The following WFDC9 variants were observed in gnomAD, a reference collection of about 807,000 sequenced individuals.
The protein encoded by WFDC9 is protein WFDC9.
A neutral mutation model predicts 9.5 loss-of-function variants in WFDC9; 9 were observed. The ratio of observed to expected loss-of-function variants is 0.95; its 90% CI spans 0.57 to 1.65. WFDC9 has a LOEUF of 1.65. WFDC9 is among the 40% of genes most tolerant of loss of function. The probability of loss-of-function intolerance (pLI) is 0.00; values close to 1 mark genes in which losing one functional copy is unlikely to be tolerated. For missense variants in WFDC9, 87 were observed against 106.7 expected, an observed-to-expected ratio of 0.82 and a Z score of 0.81; for synonymous variants, 33 against 32.3, an observed-to-expected ratio of 1.02 and a Z score of -0.07.
At chr20:45,622,006 A>G (rs556915220) in intron 1 of WFDC9, among the ~76,000 whole-genome samples, 1 of 152,244 alleles carries the variant, frequency 6.6e-6, no homozygotes, top group Non-Finnish European at 1.5e-5. Flanking sequence ...ATACTTTTGT[A>G]TAGTGGTTCT....
At chr20:45,626,296 C>T (rs1982218246) in intron 1 of WFDC9, among the ~76,000 whole-genome samples, 1 of 152,092 alleles carries the variant, frequency 6.6e-6, no homozygotes, top group African/African-American at 2.4e-5. Flanking sequence ...TGGTTCCATA[C>T]ATATTTTAGG....
intron 1 of WFDC9, among the ~76,000 whole-genome samples, chr20:45,620,797 T>C (rs1293510267): frequency 6.6e-6 from 1 of 152,222 alleles, no homozygotes; most frequent in African/African-American, 2.4e-5. Flanking sequence ...GATATTTAAA[T>C]TGTTATATCA....
intron 1 of WFDC9, among the ~76,000 whole-genome samples, chr20:45,621,014 C>A (rs1449174094): frequency 6.6e-6 from 1 of 152,064 alleles, no homozygotes; most frequent in Non-Finnish European, 1.5e-5. Flanking sequence ...CTATCTCTGG[C>A]ATCTTATTTC....
chr20:45,611,642 G>A (rs575299762), intron 2 of WFDC9, among the ~76,000 whole-genome samples: 14 of 152,046 alleles, frequency 9.2e-5, no homozygotes, highest in African/African-American at 1.7e-4. Context: ...ATTTCTTCTC[G>A]TTATAAAAAT....
intron 1 of WFDC9, 36 bp downstream of exon 1, chr20:45,631,167 G>A: frequency 1.1e-6 from 1 of 871,996 alleles, no homozygotes; most frequent in African/African-American, 1.8e-5. Flanking sequence ...CCTTGTCCCT[G>A]TCAAATAAAC....
intron 1 of WFDC9, among the ~76,000 whole-genome samples, chr20:45,620,077 C>A (rs1452621371): frequency 1.3e-5 from 2 of 151,888 alleles, no homozygotes; most frequent in African/African-American, 2.4e-5. Flanking sequence ...GGAAGGCAGG[C>A]ATGTAAGTAT....
At chr20:45,608,545 G>T in intron 4 of WFDC9, 118 bp downstream of exon 4, 2 of 1,283,278 alleles carry the variant, frequency 1.6e-6, no homozygotes, top group Non-Finnish European at 2.1e-6. Context: ...GGAGGACATT[G>T]TCTTTTGCTG....
At chr20:45,617,000 G>A (rs932598424) in intron 1 of WFDC9, among the ~76,000 whole-genome samples, 2 of 152,162 alleles carry the variant, frequency 1.3e-5, no homozygotes, top group African/African-American at 4.8e-5. Context: ...TTGAAGCCAG[G>A]CATTGACTTC....
intron 1 of WFDC9, chr20:45,630,874 A>G: frequency 6.3e-7 from 1 of 1,596,676 alleles, no homozygotes; most frequent in Non-Finnish European, 8.5e-7. Flanking sequence ...TGTCAGAAAC[A>G]CAGCTATCCC....
chr20:45,619,278 C>T (rs1982041201), intron 1 of WFDC9, among the ~76,000 whole-genome samples: 1 of 152,140 alleles, frequency 6.6e-6, no homozygotes, highest in East Asian at 1.9e-4. Flanking sequence ...ATGAGTAGCC[C>T]AGGAGTGCCA....
chr20:45,625,524 A>G (rs1982197565), intron 1 of WFDC9, among the ~76,000 whole-genome samples: 1 of 152,156 alleles, frequency 6.6e-6, no homozygotes, highest in Non-Finnish European at 1.5e-5. Flanking sequence ...TATATTAAAA[A>G]TCTTTTTGTA....
At chr20:45,609,323 C>G (rs1333998622) in intron 3 of WFDC9, among the ~76,000 whole-genome samples, 3 of 151,976 alleles carry the variant, frequency 2.0e-5, no homozygotes, top group Admixed American at 2.0e-4. Context: ...CCTGCCTCAG[C>G]CTCCTGAGTA....
intron 1 of WFDC9, chr20:45,629,877 G>C: frequency 6.2e-7 from 1 of 1,613,986 alleles, no homozygotes; most frequent in Non-Finnish European, 8.5e-7. Flanking sequence ...GGCCCAGGGA[G>C]GATACCGTGA....
intron 1 of WFDC9, chr20:45,629,518 G>C (rs866618371): frequency 2.0e-5 from 5 of 245,106 alleles, no homozygotes; most frequent in African/African-American, 1.1e-4. Flanking sequence ...AAAACATTTT[G>C]TAATTAGAAA....
At position 45,607,948 on chromosome 20, in the gene WFDC9, T is replaced by A; in HGVS notation, c.*162A>T. 2.5e-6 allele frequency: 2 copies of A among 793,282 alleles called. No homozygotes were observed. The highest frequency in any genetic ancestry group is 4.3e-6 in the Non-Finnish European group (2 of 466,598). The allele number at this position is 793,282 out of a possible 1,614,324, so 49.1% of individuals were successfully genotyped here. A position where few individuals can be genotyped will look rare whatever the true frequency, so the allele number is the denominator to read the frequency against. The stretch of plus-strand genomic sequence containing the variant: ...AAAATATGCAGAGCCCTCAGGTTGA[T>A]GTAGCAGTTTATTTGACAAAAGCTT... On this transcript the variant is annotated 3_prime_UTR_variant, in exon 5 of 5. Transcript: ENST00000326000.
rs1194729842 is a variant in WFDC9, at chr20:45,608,947, C to T, written c.92-137G>A. Reference sequence around the variant, plus strand: ...CTGCCTTCCAAGAAAATCCCTTCCTCAAATTATAACCAGTGTCTTGTCACA... The same window carrying T: ...CTGCCTTCCAAGAAAATCCCTTCCTTAAATTATAACCAGTGTCTTGTCACA... On this transcript the variant is annotated intron_variant, in intron 3 of 4. Coordinates refer to ENST00000326000, the MANE Select transcript of WFDC9 (RefSeq NM_147198.4). 1.0e-5 allele frequency: 10 copies of T among 954,336 alleles called. No homozygotes were observed. In the Admixed American group the frequency reaches 1.2e-4, roughly 12 times the overall value. 59.1% of individuals were successfully genotyped at this position (954,336 alleles called of 1,614,324 possible). A position where few individuals can be genotyped will look rare whatever the true frequency, so the allele number is the denominator to read the frequency against.
At chr20:45,621,527 G>A (rs527822435) in intron 1 of WFDC9, among the ~76,000 whole-genome samples, 10 of 152,184 alleles carry the variant, frequency 6.6e-5, no homozygotes, top group Non-Finnish European at 1.0e-4. Flanking sequence ...ATTGTTCTCA[G>A]AACAAACAAG....
chr20:45,611,536 A>G (rs1001086727), intron 2 of WFDC9, among the ~76,000 whole-genome samples: 3 of 152,172 alleles, frequency 2.0e-5, no homozygotes, highest in Non-Finnish European at 2.9e-5. Flanking sequence ...TATACAGGGG[A>G]GGCAAAAATA....
At chr20:45,623,320 A>T (rs978248448) in intron 1 of WFDC9, among the ~76,000 whole-genome samples, 2 of 152,138 alleles carry the variant, frequency 1.3e-5, no homozygotes, top group Non-Finnish European at 2.9e-5. Flanking sequence ...GTTTGTGCAG[A>T]AAAACCAGAT....
Sources: gnomAD v4.1 joint callset for allele counts (sites outside exome capture counted in the v4.1 genomes callset) on GRCh38, gnomAD v4.1.1 for gene constraint, MANE v1.5 for transcripts, NCBI Gene and HGNC (gene_info 2026-07-23, HGNC 2026-07-21) for gene names.